The following MAP2K3 variants were observed in gnomAD, a reference collection of about 807,000 sequenced individuals.
MAP2K3 encodes the protein dual specificity mitogen-activated protein kinase kinase 3.
MAP2K3 carries 30 observed loss-of-function variants against 46.4 expected under a neutral mutation model. That is an observed-to-expected ratio of 0.65 (90% confidence interval 0.48 to 0.88). MAP2K3 has a LOEUF of 0.88. Among genes scored for constraint, MAP2K3 ranks in the 40% least tolerant of loss-of-function variants. The probability of loss-of-function intolerance (pLI) is 0.00; values close to 1 mark genes in which losing one functional copy is unlikely to be tolerated. For synonymous variants in MAP2K3, 189 were observed against 176.3 expected (o/e 1.07, Z -0.57); for missense variants, 380 against 464.5 (o/e 0.82, Z 1.67).
chr17:21,303,317 C>T, intron 7 of MAP2K3, 83 bp downstream of exon 7: 1 of 1,587,356 alleles, frequency 6.3e-7, no homozygotes, highest in Admixed American at 1.7e-5. Context: ...TCCCTATGAG[C>T]AACTGTGGCT....
chr17:21,293,064 C>G (rs545025728), intron 1 of MAP2K3, among the ~76,000 whole-genome samples: 1 of 152,430 alleles, frequency 6.6e-6, no homozygotes, highest in South Asian at 2.1e-4. Flanking sequence ...CCAGGACACC[C>G]CAGCACATAG....
At chr17:21,300,790 C>T (rs1029238414) in intron 4 of MAP2K3, 84 bp from the exon 5 acceptor site, 2 of 1,611,360 alleles carry the variant, frequency 1.2e-6, no homozygotes, top group Non-Finnish European at 1.7e-6. Flanking sequence ...GGGCAGTGGC[C>T]CCCTGAGCTC....
At chr17:21,289,807 C>A (rs773603381) in intron 1 of MAP2K3, among the ~76,000 whole-genome samples, 14 of 152,354 alleles carry the variant, frequency 9.2e-5, no homozygotes, top group Non-Finnish European at 1.9e-4. Context: ...GGGCCCCAGA[C>A]TTTCTTCCCC....
chr17:21,301,521 G>T (rs1008603219), intron 5 of MAP2K3, among the ~76,000 whole-genome samples: 1 of 152,312 alleles, frequency 6.6e-6, no homozygotes, highest in Non-Finnish European at 1.5e-5. Flanking sequence ...CTGGTCACTT[G>T]CCCCTCAAAG....
intron 9 of MAP2K3, among the ~76,000 whole-genome samples, chr17:21,308,785 C>T (rs996375879): frequency 1.3e-5 from 2 of 152,122 alleles, no homozygotes; most frequent in African/African-American, 4.8e-5. Context: ...CATACACACA[C>T]CCTATGTCCC....
chr17:21,294,454 C>G (rs913982476), intron 1 of MAP2K3, among the ~76,000 whole-genome samples: 5 of 152,308 alleles, frequency 3.3e-5, no homozygotes, highest in Non-Finnish European at 7.3e-5. Context: ...CTGTGGGTGA[C>G]CCTTAGAGGG....
intron 3 of MAP2K3, among the ~76,000 whole-genome samples, chr17:21,299,843 G>A (rs1597814879): frequency 6.6e-6 from 1 of 152,300 alleles, no homozygotes; most frequent in Admixed American, 6.5e-5. Flanking sequence ...TTAGCCCGGT[G>A]TGGTGGCAGG....
intron 1 of MAP2K3, chr17:21,296,190 C>T (rs1190824066): frequency 7.8e-7 from 1 of 1,289,422 alleles, no homozygotes; most frequent in African/African-American, 1.5e-5. Context: ...TTGCTTCGTC[C>T]TGCAGCACTG....
chr17:21,297,195 TG>T (rs139842906), intron 1 of MAP2K3, among the ~76,000 whole-genome samples: 20,183 of 144,022 alleles, frequency 0.14, no homozygotes, highest in East Asian at 0.29. Context: ...GGCTCTGAGA[TG>T]GGGCCACAAG....
intron 9 of MAP2K3, among the ~76,000 whole-genome samples, chr17:21,310,916 C>G (rs1977130280): frequency 6.6e-6 from 1 of 152,236 alleles, no homozygotes; most frequent in Non-Finnish European, 1.5e-5. Context: ...TTCTGCTTTT[C>G]TAATTATAAC....
intron 3 of MAP2K3, among the ~76,000 whole-genome samples, chr17:21,299,553 G>C (rs12944362): frequency 6.8e-6 from 1 of 146,080 alleles, no homozygotes; most frequent in African/African-American, 2.5e-5. Flanking sequence ...GTGGTGGTGC[G>C]TGCCTGTGGC....
intron 3 of MAP2K3, among the ~76,000 whole-genome samples, chr17:21,300,189 T>C (rs1976511537): frequency 6.6e-6 from 1 of 152,312 alleles, no homozygotes; most frequent in African/African-American, 2.4e-5. Flanking sequence ...TTGTGGATGC[T>C]TGGTAAACAG....
At chr17:21,312,335 C>T in intron 10 of MAP2K3, 54 bp downstream of exon 10, 1 of 1,509,818 alleles carries the variant, frequency 6.6e-7, no homozygotes, top group Non-Finnish European at 8.8e-7. Flanking sequence ...GGCCAGATCC[C>T]TGCACCTTCC....
intron 1 of MAP2K3, among the ~76,000 whole-genome samples, chr17:21,289,272 G>C (rs1567656547): frequency 6.6e-6 from 1 of 152,170 alleles, no homozygotes; most frequent in Non-Finnish European, 1.5e-5. Flanking sequence ...GCTGGGGCCT[G>C]CTCCTGCAGG....
intron 1 of MAP2K3, chr17:21,295,531 C>G: frequency 8.3e-7 from 1 of 1,206,290 alleles, no homozygotes; most frequent in Non-Finnish European, 1.1e-6. Flanking sequence ...GCCTGGCCAT[C>G]TGGGCCCAGC....
At chr17:21,293,827 G>C (rs1450687763) in intron 1 of MAP2K3, among the ~76,000 whole-genome samples, 2 of 152,306 alleles carry the variant, frequency 1.3e-5, no homozygotes, top group African/African-American at 4.8e-5. Context: ...GCCTGGCATG[G>C]AGCAGGCACT....
chr17:21,300,467 C>T, intron 3 of MAP2K3, 78 bp from the exon 4 acceptor site: 1 of 1,444,906 alleles, frequency 6.9e-7, no homozygotes, highest in South Asian at 1.2e-5. Context: ...TTCATGCTGC[C>T]CAGGTATCTC....
chr17:21,285,077 A>G, intron 1 of MAP2K3, 108 bp downstream of exon 1: 15 of 1,448,280 alleles, frequency 1.0e-5, no homozygotes, highest in Non-Finnish European at 1.4e-5. Flanking sequence ...TCGACCTGGC[A>G]GCGGCGTCCG....
At chr17:21,285,168 G>A in intron 1 of MAP2K3, 199 bp downstream of exon 1, 2 of 916,280 alleles carry the variant, frequency 2.2e-6, no homozygotes, top group Non-Finnish European at 2.6e-6. Context: ...TTAGGCCTTG[G>A]GACTGCACTC....
Sources: allele counts gnomAD v4.1 joint callset (sites outside exome capture counted in the v4.1 genomes callset), GRCh38; gene constraint gnomAD v4.1.1; transcripts MANE v1.5; gene names NCBI Gene and HGNC (gene_info 2026-07-23, HGNC 2026-07-21).